The following LAMA2 variants were observed in gnomAD, a reference collection of about 807,000 sequenced individuals.
LAMA2 encodes laminin subunit alpha 2.
LAMA2 carries 269 observed loss-of-function variants against 364.8 expected under a neutral mutation model. The ratio of observed to expected loss-of-function variants is 0.74; its 90% CI spans 0.67 to 0.82. The LOEUF (loss-of-function observed/expected upper bound fraction) is 0.82. LAMA2 is among the 40% of genes least tolerant of loss of function. The probability of loss-of-function intolerance (pLI) is 0.00; values close to 1 mark genes in which losing one functional copy is unlikely to be tolerated. For missense variants in LAMA2, 3,807 were observed against 3,873.2 expected, an observed-to-expected ratio of 0.98 and a Z score of 0.45; for synonymous variants, 1,379 against 1,370.6, an observed-to-expected ratio of 1.01 and a Z score of -0.14.
At chr6:129,052,040 A>G (rs1266372867) in intron 2 of LAMA2, among the ~76,000 whole-genome samples, 1 of 151,560 alleles carries the variant, frequency 6.6e-6, no homozygotes, top group East Asian at 1.9e-4. Context: ...GAAAGGAGGT[A>G]ATAACGTGAA....
intron 1 of LAMA2, among the ~76,000 whole-genome samples, chr6:128,943,222 T>A (rs1780268667): frequency 6.6e-6 from 1 of 151,384 alleles, no homozygotes; most frequent in African/African-American, 2.4e-5. Context: ...TATATATACA[T>A]ACACGCACAT....
intron 4 of LAMA2, among the ~76,000 whole-genome samples, chr6:129,121,500 A>G (rs1051589850): frequency 4.9e-4 from 74 of 152,086 alleles, no homozygotes; most frequent in Non-Finnish European, 6.8e-4. Context: ...TGTGTTTTCA[A>G]TGGTGTGTCT....
rs1292257016 is a variant in LAMA2 at position 129,416,140 on chromosome 6, G to A, written c.5866-11612G>A. On this transcript the variant is annotated intron_variant, in intron 40 of 64. Coordinates refer to ENST00000421865, the MANE Select transcript of LAMA2 (RefSeq NM_000426.4). ...ATTTTTTTGTATTTTTAGTAGAGACGGGGTTTCACCGTTTTAGCCGGGATG... is the reference window on the plus strand; with the variant it reads ...ATTTTTTTGTATTTTTAGTAGAGACAGGGTTTCACCGTTTTAGCCGGGATG... 3.3e-5 allele frequency among the ~76,000 whole-genome samples: 2 copies of A among 60,152 alleles called. 1 individual carries two copies. The highest frequency in any genetic ancestry group is 6.3e-5 in the Non-Finnish European group (2 of 31,586). The allele number at this position is 60,152 out of a possible 152,430, so 39.5% of individuals were successfully genotyped here. A position where few individuals can be genotyped will look rare whatever the true frequency, so the allele number is the denominator to read the frequency against.
chr6:128,939,979 G>A (rs556437644), intron 1 of LAMA2, among the ~76,000 whole-genome samples: 1 of 152,214 alleles, frequency 6.6e-6, no homozygotes, highest in South Asian at 2.1e-4. Flanking sequence ...GGGTCCAAAT[G>A]TGATGCAAAA....
At chr6:129,274,868 GAC>G (rs1210373628) in intron 17 of LAMA2, among the ~76,000 whole-genome samples, 3 of 151,940 alleles carry the variant, frequency 2.0e-5, no homozygotes, top group African/African-American at 7.2e-5. Flanking sequence ...ATATGAAAGA[GAC>G]ATGTGAATCT....
chr6:129,286,012 A>G (rs1030903364), intron 18 of LAMA2, among the ~76,000 whole-genome samples: 6 of 152,136 alleles, frequency 3.9e-5, no homozygotes, highest in African/African-American at 4.8e-5. Flanking sequence ...AGAATCATCA[A>G]TGTATCTGCA....
At chr6:129,482,474 G>T (rs1440755548) in intron 55 of LAMA2, among the ~76,000 whole-genome samples, 1 of 151,780 alleles carries the variant, frequency 6.6e-6, no homozygotes, top group Admixed American at 6.6e-5. Flanking sequence ...TCAATGAAAG[G>T]GTTCATAGGA....
At chr6:129,101,695 C>A (rs1775529375) in intron 4 of LAMA2, among the ~76,000 whole-genome samples, 1 of 152,200 alleles carries the variant, frequency 6.6e-6, no homozygotes. Context: ...GACTAGCAGC[C>A]ACCACACTGG....
At chr6:129,376,214 G>A (rs1182842754) in intron 34 of LAMA2, among the ~76,000 whole-genome samples, 2 of 152,070 alleles carry the variant, frequency 1.3e-5, no homozygotes, top group African/African-American at 2.4e-5. Context: ...TACGGATTGA[G>A]GGTATAAGCC....
chr6:129,442,770 C>A, intron 43 of LAMA2: 1 of 434,548 alleles, frequency 2.3e-6, no homozygotes, highest in Non-Finnish European at 4.3e-6. Context: ...TAATCCTATC[C>A]TCTATTATGA....
chr6:129,393,332 A>G (rs952167280), intron 37 of LAMA2, 77 bp downstream of exon 37: 14 of 1,033,852 alleles, frequency 1.4e-5, no homozygotes, highest in Middle Eastern at 2.0e-4. Flanking sequence ...TGGCTGGACT[A>G]TTCAAGTTGA....
Position 129,505,254 on chromosome 6 carries a change from A to C in LAMA2, c.8602A>C (p.Asn2868His). Residue 2868 changes from asparagine to histidine, a missense_variant, in exon 61 of 65, where the codon AAC becomes CAC. By Grantham distance (68) the Asn-to-His change is moderately conservative. Coordinates refer to ENST00000421865, the MANE Select transcript of LAMA2 (RefSeq NM_000426.4). ...AATTCTTTATGTAGATGGGGCTTCCAACAGAACCATCAGTCCCAAAAAAGC... is the reference window on the plus strand; with the variant it reads ...AATTCTTTATGTAGATGGGGCTTCCCACAGAACCATCAGTCCCAAAAAAGC... ...EGILYVDGAS[N>H]RTISPKKADI... The C allele has an allele frequency of 6.2e-7, 1 of 1,613,750 alleles. No homozygotes were observed. The highest frequency in any genetic ancestry group is 1.1e-5 in the South Asian group (1 of 91,076).
At chr6:129,250,701 G>A (rs1056028684) in intron 13 of LAMA2, among the ~76,000 whole-genome samples, 2 of 151,976 alleles carry the variant, frequency 1.3e-5, no homozygotes, top group Non-Finnish European at 2.9e-5. Flanking sequence ...AGATTTGAAG[G>A]GCCATAGGCA....
intron 3 of LAMA2, among the ~76,000 whole-genome samples, chr6:129,093,293 AT>A (rs5879924): frequency 0.99 from 145,537 of 147,314 alleles, 71,888 homozygotes; most frequent in East Asian, 1. Context: ...CCGGCCGAGG[AT>A]TTTTTTTTTT....
At chr6:128,926,699 C>A (rs1173979002) in intron 1 of LAMA2, among the ~76,000 whole-genome samples, 2 of 152,172 alleles carry the variant, frequency 1.3e-5, no homozygotes, top group African/African-American at 2.4e-5. Context: ...ATTGGTAATC[C>A]TCCTTCTGAG....
At chr6:129,259,816 A>G (rs973058063) in intron 14 of LAMA2, among the ~76,000 whole-genome samples, 4 of 152,112 alleles carry the variant, frequency 2.6e-5, no homozygotes, top group Non-Finnish European at 5.9e-5. Flanking sequence ...ATTTTCTTCT[A>G]GGCCACAAGG....
intron 11 of LAMA2, among the ~76,000 whole-genome samples, chr6:129,192,434 G>A (rs1332679722): frequency 6.6e-6 from 1 of 151,950 alleles, no homozygotes; most frequent in Non-Finnish European, 1.5e-5. Flanking sequence ...AATGAAAACA[G>A]ATTATTATAG....
intron 32 of LAMA2, among the ~76,000 whole-genome samples, chr6:129,358,562 C>G (rs902268529): frequency 5.9e-5 from 9 of 152,032 alleles, no homozygotes; most frequent in Non-Finnish European, 1.0e-4. Context: ...ATCCACAAAA[C>G]AGACAGCATC....
intron 57 of LAMA2, 37 bp from the exon 58 acceptor site, chr6:129,492,278 C>T (rs367799209): frequency 3.7e-5 from 60 of 1,603,408 alleles, no homozygotes; most frequent in African/African-American, 8.0e-5. Flanking sequence ...AGCAAAAAAA[C>T]GAAAATAAAA....
Sources: allele counts gnomAD v4.1 joint callset (sites outside exome capture counted in the v4.1 genomes callset), GRCh38; gene constraint gnomAD v4.1.1; transcripts MANE v1.5; gene names NCBI Gene and HGNC (gene_info 2026-07-23, HGNC 2026-07-21).